The following TRMT9B variants were observed in gnomAD, a reference collection of about 807,000 sequenced individuals.
TRMT9B encodes the protein tRNA methyltransferase 9B (putative), also known as probable tRNA methyltransferase 9B.
A neutral mutation model predicts 11.5 loss-of-function variants in TRMT9B; 16 were observed. That is an observed-to-expected ratio of 1.39 (90% CI 0.94 to 2.11). TRMT9B has a LOEUF of 2.11. Ranked by LOEUF, TRMT9B falls within the 30% of genes most tolerant of loss-of-function variation. The pLI, the probability that TRMT9B is intolerant of heterozygous loss-of-function variation, is 0.00. For synonymous variants in TRMT9B, 274 were observed against 192.4 expected, an observed-to-expected ratio of 1.42 and a Z score of -3.51; for missense variants, 941 against 553.8, an observed-to-expected ratio of 1.70 and a Z score of -7.02.
Position 13,012,693 on chromosome 8 carries a change from C to G in TRMT9B, c.164C>G (p.Thr55Ser). The G allele has an allele frequency of 1.2e-6, 2 of 1,612,488 alleles. No homozygotes were observed. The highest frequency in any genetic ancestry group is 1.7e-6 in the Non-Finnish European group (2 of 1,179,054). ...GSLIADIGCGTGKYLKVNSQV... is the reference protein window; with the variant it reads ...GSLIADIGCGSGKYLKVNSQV... ...GGTTTTTCTCTTATAGGTTGTGGGA[C>G]TGGAAAATATCTTAAAGTGAACAGC... Residue 55 changes from threonine to serine, a missense_variant, in exon 4 of 5, where the codon ACT becomes AGT. Transcript: ENST00000524591.
At chr8:13,001,230 A>T (rs372655897) in intron 2 of TRMT9B, among the ~76,000 whole-genome samples, 105 of 152,296 alleles carry the variant, frequency 6.9e-4, no homozygotes, top group African/African-American at 2.3e-3. Flanking sequence ...CTGACTATTC[A>T]GGTCTTTTAG....
chr8:13,010,928 A>G lies in TRMT9B; in HGVS notation c.155-1756A>G, dbSNP rs538016302. ...AGTGTGGCTACGAGATCAAAGAAAT[A>G]ATATCATAGAAATAATATGGTCACA... On this transcript the variant is annotated intron_variant, in intron 3 of 4. Transcript: ENST00000524591. 1.2e-5 allele frequency: 11 copies of G among 918,410 alleles called. No individual in the cohort carries two copies. The African/African-American group carries it at 1.4e-4, about 12-fold the overall frequency. 56.9% of individuals were successfully genotyped at this position (918,410 alleles called of 1,614,324 possible).
intron 1 of TRMT9B, among the ~76,000 whole-genome samples, chr8:12,964,940 A>G (rs1380590533): frequency 6.6e-6 from 1 of 152,188 alleles, no homozygotes; most frequent in African/African-American, 2.4e-5. Context: ...GAAAAAGCAA[A>G]CACAGTCATA....
intron 2 of TRMT9B, among the ~76,000 whole-genome samples, chr8:12,994,246 G>T (rs762995060): frequency 4.6e-5 from 7 of 152,200 alleles, no homozygotes; most frequent in Non-Finnish European, 8.8e-5. Context: ...CTTGGGAACG[G>T]ATCAGGTATT....
intron 2 of TRMT9B, among the ~76,000 whole-genome samples, chr8:12,997,022 A>C (rs1214671276): frequency 7.6e-6 from 1 of 132,188 alleles, no homozygotes; most frequent in African/African-American, 2.8e-5. Flanking sequence ...ATTTTCTTTG[A>C]TCTATCTATG....
intron 1 of TRMT9B, among the ~76,000 whole-genome samples, chr8:12,978,366 C>T (rs558726351): frequency 6.6e-6 from 1 of 152,270 alleles, no homozygotes; most frequent in Admixed American, 6.5e-5. Flanking sequence ...TGATTGTGCC[C>T]ATTGCAACCT....
chr8:12,972,470 T>C (rs186373558), intron 1 of TRMT9B, among the ~76,000 whole-genome samples: 9 of 152,262 alleles, frequency 5.9e-5, no homozygotes, highest in East Asian at 1.9e-4. Context: ...CGACTCCTAT[T>C]GGAAACAAAT....
At chr8:12,993,430 T>C (rs1014527627) in intron 2 of TRMT9B, among the ~76,000 whole-genome samples, 3 of 152,194 alleles carry the variant, frequency 2.0e-5, no homozygotes, top group African/African-American at 7.2e-5. Flanking sequence ...TGTAAGAATG[T>C]ATTGTGTCTC....
At chr8:12,962,212 T>C (rs1802214476) in intron 1 of TRMT9B, 2 of 152,328 alleles carry the variant, frequency 1.3e-5, no homozygotes, top group Non-Finnish European at 2.9e-5. Context: ...GACACCATCA[T>C]AACTATGGAA....
chr8:13,006,619 C>T, intron 3 of TRMT9B: 1 of 1,379,284 alleles, frequency 7.3e-7, no homozygotes, highest in Non-Finnish European at 9.3e-7. Context: ...ACAGCAGAAA[C>T]TCGAGACAGT....
intron 3 of TRMT9B, chr8:13,010,407 T>C: frequency 1.0e-6 from 1 of 983,926 alleles, no homozygotes; most frequent in Non-Finnish European, 1.2e-6. Context: ...AATATGACTG[T>C]CCTCTAAAGG....
chr8:13,005,701 A>C (rs1810334599), intron 2 of TRMT9B, among the ~76,000 whole-genome samples: 1 of 152,238 alleles, frequency 6.6e-6, no homozygotes, highest in Non-Finnish European at 1.5e-5. Context: ...TGTTGAAGTA[A>C]TTCAGTAAAG....
At chr8:12,990,725 T>A in intron 1 of TRMT9B, 109 bp from the exon 2 acceptor site, 1 of 478,342 alleles carries the variant, frequency 2.1e-6, no homozygotes, top group South Asian at 2.6e-5. Context: ...TTCTAATCCC[T>A]ACTTGGCTGG....
intron 1 of TRMT9B, among the ~76,000 whole-genome samples, chr8:12,972,517 C>G (rs1033730288): frequency 2.6e-5 from 4 of 152,168 alleles, no homozygotes; most frequent in Admixed American, 1.3e-4. Context: ...CTGGCCAACT[C>G]TGGCAGGAAC....
At chr8:12,974,549 T>A (rs1460552687) in intron 1 of TRMT9B, among the ~76,000 whole-genome samples, 2 of 152,148 alleles carry the variant, frequency 1.3e-5, no homozygotes, top group African/African-American at 2.4e-5. Context: ...GGATATGAAG[T>A]CACCTACAAG....
chr8:13,013,000 C>G (rs1426365386), intron 4 of TRMT9B, 143 bp downstream of exon 4: 1 of 1,096,394 alleles, frequency 9.1e-7, no homozygotes, highest in East Asian at 2.8e-5. Context: ...GTTTCAACTA[C>G]TTGACTGATT....
At chr8:12,960,634 G>C (rs1456427516) in intron 1 of TRMT9B, among the ~76,000 whole-genome samples, 6 of 152,122 alleles carry the variant, frequency 3.9e-5, no homozygotes, top group Non-Finnish European at 8.8e-5. Context: ...TGATTAAAAA[G>C]AAATGATTTT....
rs1814395908 is a variant in TRMT9B at position 13,024,172 on chromosome 8, T to G, written c.*2128T>G. Reference sequence around the variant, plus strand: ...CATCCTCCTGCCTCAGCCTCCCAAGTAGCTGGGACTACTGGCACCCACCAC... The same window carrying G: ...CATCCTCCTGCCTCAGCCTCCCAAGGAGCTGGGACTACTGGCACCCACCAC... On this transcript the variant is annotated 3_prime_UTR_variant, in exon 5 of 5. Transcript: ENST00000524591. 1.3e-5 allele frequency: 2 copies of G among 150,918 alleles called. No homozygotes were observed. The highest frequency in any genetic ancestry group is 2.4e-5 in the African/African-American group (1 of 40,850). The allele number at this position is 150,918 out of a possible 1,614,324, so 9.3% of individuals were successfully genotyped here.
chr8:12,960,843 T>G (rs1036477938), intron 1 of TRMT9B, among the ~76,000 whole-genome samples: 1 of 152,038 alleles, frequency 6.6e-6, no homozygotes, highest in African/African-American at 2.4e-5. Flanking sequence ...ACCAGGGATT[T>G]GTAGGGCAAT....
Sources: allele counts gnomAD v4.1 joint callset (sites outside exome capture counted in the v4.1 genomes callset), GRCh38; gene constraint gnomAD v4.1.1; transcripts MANE v1.5; gene names NCBI Gene and HGNC (gene_info 2026-07-23, HGNC 2026-07-21).